The following CNIH3 variants were observed in gnomAD, a reference collection of about 807,000 sequenced individuals.
CNIH3 encodes the protein protein cornichon homolog 3.
CNIH3 carries 14 observed loss-of-function variants against 24.1 expected under a neutral mutation model. The ratio of observed to expected loss-of-function variants is 0.58; its 90% CI spans 0.38 to 0.91. The LOEUF (loss-of-function observed/expected upper bound fraction) is 0.91, where lower values mean the gene tolerates loss of function less well. Ranked by LOEUF, CNIH3 falls within the 40% of genes least tolerant of loss-of-function variation. CNIH3 has a pLI of 0.00. For synonymous variants in CNIH3, 68 were observed against 73.8 expected, an observed-to-expected ratio of 0.92 and a Z score of 0.40; for missense variants, 178 against 196.8, an observed-to-expected ratio of 0.90 and a Z score of 0.57.
At chr1:224,552,835 T>C (rs1679979090) in intron 3 of CNIH3, among the ~76,000 whole-genome samples, 1 of 150,532 alleles carries the variant, frequency 6.6e-6, no homozygotes, top group South Asian at 2.1e-4. Flanking sequence ...GGGTAGACAT[T>C]GGATGTATGC....
chr1:224,678,902 AT>A (rs1319757129), intron 1 of CNIH3, among the ~76,000 whole-genome samples: 1 of 152,080 alleles, frequency 6.6e-6, no homozygotes, highest in Non-Finnish European at 1.5e-5. Flanking sequence ...GGGTCAGCAG[AT>A]TTTTTTCTAT....
intron 1 of CNIH3, 64 bp from the exon 2 acceptor site, chr1:224,680,894 A>T (rs7525096): frequency 5.9e-5 from 73 of 1,236,848 alleles, no homozygotes; most frequent in Non-Finnish European, 8.1e-5. Flanking sequence ...AATCCACAGA[A>T]GCTTTGGACA....
chr1:224,632,256 C>T (rs1683858854), intron 1 of CNIH3, among the ~76,000 whole-genome samples: 1 of 152,166 alleles, frequency 6.6e-6, no homozygotes, highest in African/African-American at 2.4e-5. Context: ...CTATGTCTCC[C>T]TATGGCTACT....
intron 3 of CNIH3, among the ~76,000 whole-genome samples, chr1:224,698,852 GGAATGAAT>G (rs57080500): frequency 6.6e-6 from 1 of 152,150 alleles, no homozygotes; most frequent in African/African-American, 2.4e-5. Flanking sequence ...CTTTGCTGAT[GGAATGAAT>G]GAATGAATGA....
chr1:224,450,704 A>T (rs1282012967), intron 1 of CNIH3, among the ~76,000 whole-genome samples: 3 of 152,216 alleles, frequency 2.0e-5, no homozygotes, highest in African/African-American at 7.2e-5. Context: ...GGCAGCTGCT[A>T]ATAGCAAAAT....
chr1:224,566,733 G>T (rs1298757908), intron 4 of CNIH3, among the ~76,000 whole-genome samples: 2 of 152,114 alleles, frequency 1.3e-5, no homozygotes, highest in African/African-American at 4.8e-5. Context: ...ATTCCATGGT[G>T]CATATGTGCC....
Position 224,452,608 on chromosome 1 carries a change from C to T in CNIH3, n.203+17746C>T, listed in dbSNP as rs189152112. Among the ~76,000 whole-genome samples the T allele has an allele frequency of 7.9e-5, 12 of 151,008 alleles. No individual in the cohort carries two copies. In the East Asian group the frequency reaches 8.0e-4, roughly 10 times the overall value. ...CATCCTGGCTAACACGGTGAAACCC[C>T]GTCTCTACTAAAAATACAAAAACAT... On this transcript the variant is annotated intron_variant and non_coding_transcript_variant, in intron 1 of 5. Transcript: ENST00000471578.
At chr1:224,691,478 C>T (rs6426150) in intron 3 of CNIH3, among the ~76,000 whole-genome samples, 143,231 of 152,288 alleles carry the variant, frequency 0.94, 67,794 homozygotes, top group Non-Finnish European at 1. Flanking sequence ...TGTTCCCTTC[C>T]GAAATTCTGT....
chr1:224,447,890 C>A (rs1258256946), intron 1 of CNIH3, among the ~76,000 whole-genome samples: 1 of 152,132 alleles, frequency 6.6e-6, no homozygotes, highest in Admixed American at 6.5e-5. Context: ...AAAATAATAA[C>A]ATTATTATTG....
intron 1 of CNIH3, among the ~76,000 whole-genome samples, chr1:224,497,585 G>A (rs1419386849): frequency 2.0e-5 from 3 of 152,340 alleles, no homozygotes; most frequent in South Asian, 2.1e-4. Context: ...GACAGACTTA[G>A]CTGCAAGAAT....
At chr1:224,603,281 C>T (rs931794156) in intron 3 of CNIH3, among the ~76,000 whole-genome samples, 10 of 152,216 alleles carry the variant, frequency 6.6e-5, no homozygotes, top group Non-Finnish European at 5.9e-5. Context: ...CAAGGAAAGG[C>T]AGTTTCTTGC....
chr1:224,486,026 G>A (rs952783005), intron 1 of CNIH3, among the ~76,000 whole-genome samples: 6 of 151,906 alleles, frequency 3.9e-5, no homozygotes, highest in Non-Finnish European at 8.8e-5. Flanking sequence ...TTATCCAGGT[G>A]AGGATGCATA....
chr1:224,543,262 G>A lies in CNIH3; in HGVS notation n.340-3567G>A, dbSNP rs966020669. On this transcript the variant is annotated intron_variant and non_coding_transcript_variant, in intron 2 of 5. Coordinates refer to the CNIH3 transcript ENST00000471578. ...CACGTCCTGATTCTATGGGGAAAGA[G>A]GGCACAGGAGCTCTATGTGTGGGAT... Among the ~76,000 whole-genome samples the A allele has an allele frequency of 2.6e-5, 4 of 152,170 alleles. No homozygotes were observed. The South Asian group carries it at 6.2e-4, about 24-fold the overall frequency.
intron 2 of CNIH3, among the ~76,000 whole-genome samples, chr1:224,532,290 G>A (rs1679105155): frequency 6.6e-6 from 1 of 152,158 alleles, no homozygotes; most frequent in Admixed American, 6.5e-5. Context: ...CAGGAGATGA[G>A]GTCAGACAGA....
Position 224,724,949 on chromosome 1 carries a change from G to A in CNIH3, c.199-5513G>A, listed in dbSNP as rs181819211. On this transcript the variant is annotated intron_variant, in intron 3 of 5. Coordinates refer to ENST00000272133, the MANE Select transcript of CNIH3 (RefSeq NM_152495.2). ...TGACCGGCCAGGCATGGTGGCTCAT[G>A]CCTGCAATCCCAGCACTTTGGGAGG... 4.6e-5 allele frequency among the ~76,000 whole-genome samples: 7 copies of A among 152,286 alleles called. No individual in the cohort carries two copies. The East Asian group carries it at 1.2e-3, about 25-fold the overall frequency.
chr1:224,587,801 G>A (rs1681573613), intron 5 of CNIH3, among the ~76,000 whole-genome samples: 1 of 151,900 alleles, frequency 6.6e-6, no homozygotes, highest in Non-Finnish European at 1.5e-5. Context: ...AAATAGCGGG[G>A]CATGGTGGTG....
intron 4 of CNIH3, 83 bp downstream of exon 4, chr1:224,730,657 C>A: frequency 1.3e-6 from 1 of 793,998 alleles, no homozygotes; most frequent in Non-Finnish European, 2.1e-6. Context: ...CCCAAATAGA[C>A]AGCTTCTATT....
At chr1:224,520,222 C>A (rs1412175474) in intron 1 of CNIH3, among the ~76,000 whole-genome samples, 1 of 152,180 alleles carries the variant, frequency 6.6e-6, no homozygotes, top group African/African-American at 2.4e-5. Context: ...TTTTAGGACA[C>A]CCTAAATTTA....
intron 1 of CNIH3, among the ~76,000 whole-genome samples, chr1:224,466,420 A>G (rs917702458): frequency 6.6e-6 from 1 of 152,208 alleles, no homozygotes; most frequent in Non-Finnish European, 1.5e-5. Context: ...GCCAAGGCCT[A>G]ATTCTATCGT....
Sources: allele counts gnomAD v4.1 joint callset (sites outside exome capture counted in the v4.1 genomes callset), GRCh38; gene constraint gnomAD v4.1.1; transcripts MANE v1.5; gene names NCBI Gene and HGNC (gene_info 2026-07-23, HGNC 2026-07-21).